Variants in KCNT1 observed in about 807,000 individuals in gnomAD.
KCNT1 encodes potassium channel subfamily T member 1.
Under a neutral mutation model 147.8 loss-of-function variants are expected in KCNT1, and 78 were observed. That is an observed-to-expected ratio of 0.53 (90% CI 0.44 to 0.64). KCNT1 has a LOEUF of 0.64. Among genes scored for constraint, KCNT1 ranks in the 30% least tolerant of loss-of-function variants. The pLI is 0.00. For synonymous variants in KCNT1, 867 were observed against 748.8 expected, an observed-to-expected ratio of 1.16 and a Z score of -2.58; for missense variants, 1,419 against 1,750.3, an observed-to-expected ratio of 0.81 and a Z score of 3.38.
At position 135,772,740 on chromosome 9, in the gene KCNT1, C is replaced by T. The variant is rs369983077; in HGVS notation, c.2034C>T (p.Gly678=). The change falls in exon 19 of 31, where the codon GGC becomes GGT. Residue 678 remains glycine (G), a synonymous_variant. Transcript: ENST00000371757. ...SMGTVAMDLQ[G]TEHRPTQSGG... ...GGACAGTGGCCATGGACCTGCAGGG[C>T]ACAGAGCACCGGCCTACGCAGAGCG... 1.9e-4 allele frequency: 268 copies of T among 1,431,988 alleles called. No individual in the cohort carries two copies. The African/African-American group carries it at 2.8e-3, about 15-fold the overall frequency. The allele number at this position is 1,431,988 out of a possible 1,614,324, so 88.7% of individuals were successfully genotyped here. A position where few individuals can be genotyped will look rare whatever the true frequency, so the allele number is the denominator to read the frequency against.
At chr9:135,767,655 C>T (rs776708622) in intron 13 of KCNT1, among the ~76,000 whole-genome samples, 69 of 152,152 alleles carry the variant, frequency 4.5e-4, no homozygotes, top group Non-Finnish European at 2.9e-4. Flanking sequence ...GTCACTGGCA[C>T]ACACCTAGGT....
intron 2 of KCNT1, among the ~76,000 whole-genome samples, chr9:135,731,989 TATAGAGAGAGAG>T (rs1191903254): frequency 3.0e-3 from 55 of 18,642 alleles, no homozygotes; most frequent in East Asian, 2.5e-3. Flanking sequence ...TATATATATA[TATAGAGAGAGAG>T]AGAGAGAGAG....
intron 29 of KCNT1, among the ~76,000 whole-genome samples, chr9:135,788,553 G>GTC (rs1241853787): frequency 6.6e-6 from 1 of 152,234 alleles, no homozygotes; most frequent in Non-Finnish European, 1.5e-5. Context: ...CCCACAAGCA[G>GTC]TCTGAGGACC....
chr9:135,736,982 T>TC (rs1014249261), intron 2 of KCNT1: 26 of 286,098 alleles, frequency 9.1e-5, no homozygotes, highest in African/African-American at 5.1e-4. Flanking sequence ...GACCCCCCAC[T>TC]CCCCCCACGT....
intron 2 of KCNT1, among the ~76,000 whole-genome samples, chr9:135,725,667 G>T (rs1232770409): frequency 1.3e-5 from 2 of 152,180 alleles, no homozygotes; most frequent in Non-Finnish European, 2.9e-5. Flanking sequence ...GGTCACTCTG[G>T]GACAGCACCA....
intron 1 of KCNT1, among the ~76,000 whole-genome samples, chr9:135,712,764 C>T (rs1835554142): frequency 6.6e-6 from 1 of 152,230 alleles, no homozygotes; most frequent in Non-Finnish European, 1.5e-5. Context: ...GCCAACACAA[C>T]AGCGAAGTAT....
Position 135,786,253 on chromosome 9 carries a change from C to T in KCNT1, c.3234C>T (p.Pro1078=). 3 of 1,611,372 alleles carry T rather than the reference C, an allele frequency of 1.9e-6. No individual in the cohort carries two copies. In the South Asian group the frequency reaches 3.3e-5, roughly 18 times the overall value. Residue 1078 remains proline (P), a synonymous_variant, in exon 29 of 31, where the codon CCC becomes CCT. Transcript: ENST00000371757. The part of the protein sequence containing the change: ...DCEDTREVKG[P]WGSRAGTGGS... Reference sequence around the variant, plus strand: ...AGGACACACGGGAAGTGAAGGGGCCCTGGGGCTCCCGCGCTGGCACCGGAG... The same window carrying T: ...AGGACACACGGGAAGTGAAGGGGCCTTGGGGCTCCCGCGCTGGCACCGGAG...
intron 5 of KCNT1, 47 bp from the exon 6 acceptor site, chr9:135,755,054 CCCCAGGGTGGCTGGGGGACA>C: frequency 6.8e-7 from 1 of 1,470,194 alleles, no homozygotes; most frequent in Non-Finnish European, 9.2e-7. Flanking sequence ...ATGGCCCCAG[CCCCAGGGTGGCTGGGGGACA>C]CTAGTGGCTG....
At position 135,756,854 on chromosome 9, in the gene KCNT1, T is replaced by G; in HGVS notation, c.541-19T>G. 1 of 1,611,842 alleles carries G rather than the reference T, an allele frequency of 6.2e-7. No homozygotes were observed. The highest frequency in any genetic ancestry group is 1.1e-5 in the South Asian group (1 of 91,028). ...AGCCCCGGCCTGCTCCAGAGCTCCT[T>G]CCCTTTCCTGACTCCCAGGTCATCG... is the stretch of plus-strand genomic sequence containing the variant. On this transcript the variant is annotated intron_variant, in intron 6 of 30. Transcript: ENST00000371757.
At chr9:135,726,278 G>A (rs541386655) in intron 2 of KCNT1, among the ~76,000 whole-genome samples, 1 of 152,168 alleles carries the variant, frequency 6.6e-6, no homozygotes, top group Admixed American at 6.5e-5. Flanking sequence ...GCAGCCCCCG[G>A]GGGAGACTCC....
intron 29 of KCNT1, among the ~76,000 whole-genome samples, chr9:135,787,921 GC>G (rs546055750): frequency 1.8e-3 from 271 of 152,312 alleles, no homozygotes; most frequent in African/African-American, 6.2e-3. Flanking sequence ...ACCGCTGCCT[GC>G]CCCCAGAGCT....
chr9:135,719,245 T>C (rs1242323070), intron 2 of KCNT1, among the ~76,000 whole-genome samples: 2 of 152,182 alleles, frequency 1.3e-5, no homozygotes, highest in African/African-American at 4.8e-5. Context: ...TGGGCTCTTC[T>C]TCTGCAGAGG....
intron 5 of KCNT1, 103 bp from the exon 6 acceptor site, chr9:135,755,018 C>A: frequency 9.5e-7 from 1 of 1,047,260 alleles, no homozygotes; most frequent in Middle Eastern, 2.5e-4. Context: ...GCAGCACATG[C>A]TTGGGGCCAG....
chr9:135,771,162 C>T (rs1191148112), intron 18 of KCNT1, 67 bp downstream of exon 18: 9 of 1,419,418 alleles, frequency 6.3e-6, no homozygotes, highest in South Asian at 1.3e-5. Context: ...GGCGGGACAC[C>T]GGCAGGTGAC....
intron 1 of KCNT1, among the ~76,000 whole-genome samples, chr9:135,703,771 C>T (rs112973394): frequency 3.5e-4 from 54 of 152,334 alleles, no homozygotes; most frequent in African/African-American, 1.0e-3. Context: ...CTGCTCCAGA[C>T]GAGCCGGCAG....
Position 135,784,552 on chromosome 9 carries a change from C to T in KCNT1, c.2961C>T (p.Tyr987=). The part of the protein sequence containing the change: ...TLLYQSFVKD[Y]MITITRLLLG... ...CTGGCCAGTCCTTCGTGAAGGACTA[C>T]ATGATCACCATCACCCGGCTGCTGC... The change falls in exon 26 of 31, where the codon TAC becomes TAT. Residue 987 remains tyrosine (Y), a synonymous_variant. Transcript: ENST00000371757. 1 of 1,396,368 alleles carries T rather than the reference C, an allele frequency of 7.2e-7. No individual in the cohort carries two copies. The highest frequency in any genetic ancestry group is 4.1e-5 in the East Asian group (1 of 24,524). The allele number at this position is 1,396,368 out of a possible 1,614,324, so 86.5% of individuals were successfully genotyped here.
rs1833356223 is a variant in KCNT1, at chr9:135,778,642, G to A, written c.2595-46G>A. ...CCAAATCCCGGGGTCCTGTGGGTGG[G>A]GAGTGGGCCGCATCCTCAGCCACGG... On this transcript the variant is annotated intron_variant, in intron 22 of 30. Coordinates refer to ENST00000371757, the MANE Select transcript of KCNT1 (RefSeq NM_020822.3). 5 of 1,610,896 alleles carry A rather than the reference G, an allele frequency of 3.1e-6. No individual in the cohort carries two copies. The Admixed American group carries it at 5.0e-5, about 16-fold the overall frequency.
At position 135,784,396 on chromosome 9, in the gene KCNT1, G is replaced by A. The variant is rs553789319; in HGVS notation, c.2944-139G>A. 2.9e-4 allele frequency: 196 copies of A among 686,210 alleles called. 4 individuals are homozygous for A. In the South Asian group the frequency reaches 3.3e-3, roughly 11 times the overall value. 42.5% of individuals were successfully genotyped at this position (686,210 alleles called of 1,614,324 possible). A position where few individuals can be genotyped will look rare whatever the true frequency, so the allele number is the denominator to read the frequency against. ...GTGCTTGGGGACCTGGTGGTTCTGT[G>A]TGTGTGTATGCATGAGGGGTGGCGA... On this transcript the variant is annotated intron_variant, in intron 25 of 30. Coordinates refer to ENST00000371757, the MANE Select transcript of KCNT1 (RefSeq NM_020822.3).
Position 135,714,716 on chromosome 9 carries a change from G to T in KCNT1, c.250G>T (p.Asp84Tyr). 1 of 1,408,856 alleles carries T rather than the reference G, an allele frequency of 7.1e-7. No individual in the cohort carries two copies. The highest frequency in any genetic ancestry group is 1.6e-5 in the African/African-American group (1 of 64,154). 87.3% of individuals were successfully genotyped at this position (1,408,856 alleles called of 1,614,324 possible). A position where few individuals can be genotyped will look rare whatever the true frequency, so the allele number is the denominator to read the frequency against. ...LLGDPSFQND[D>Y]RVQVEFYVNE... The stretch of plus-strand genomic sequence containing the variant: ...GGGCGACCCGTCCTTCCAGAACGAC[G>T]ACAGGTAGGGACCGGGCGCGGGGTG... Residue 84 changes from aspartate to tyrosine, a missense_variant, in exon 2 of 31, where the codon GAC becomes TAC. Around this residue, in one of 5 missense-constraint regions of KCNT1, gnomAD observed 181 missense variants for 155.7 expected, o/e 1.16. Transcript: ENST00000371757. This position sits in a 1 kb window ranked among gnomAD's most constrained non-coding sequence, Gnocchi z 6.2.
Sources: gnomAD v4.1 joint callset for allele counts (sites outside exome capture counted in the v4.1 genomes callset) on GRCh38, gnomAD v4.1.1 for gene constraint, gnomAD v4.1.1 regional missense constraint, Gnocchi (gnomAD v3.1) non-coding constraint, MANE v1.5 for transcripts, NCBI Gene and HGNC (gene_info 2026-07-23, HGNC 2026-07-21) for gene names.